IGF2BP2: variants seen among roughly 807,000 people sequenced by gnomAD.
The protein encoded by IGF2BP2 is insulin like growth factor 2 mRNA binding protein 2.
Under a neutral mutation model 75.8 loss-of-function variants are expected in IGF2BP2, and 17 were observed. That is an observed-to-expected ratio of 0.22 (90% CI 0.15 to 0.34). The LOEUF (loss-of-function observed/expected upper bound fraction) is 0.34. Among genes scored for constraint, IGF2BP2 ranks in the 10% least tolerant of loss-of-function variants. IGF2BP2 has a pLI of 1.00. For missense variants in IGF2BP2, 516 were observed against 772.4 expected (o/e 0.67, Z 3.93); for synonymous variants, 288 against 295.6 (o/e 0.97, Z 0.26).
intron 2 of IGF2BP2, among the ~76,000 whole-genome samples, chr3:185,704,258 G>A (rs946288163): frequency 5.3e-5 from 8 of 152,152 alleles, no homozygotes; most frequent in Non-Finnish European, 8.8e-5. Flanking sequence ...CCCCTTTAGC[G>A]CTGCAGTCAG....
At chr3:185,788,304 G>C (rs992138479) in intron 2 of IGF2BP2, among the ~76,000 whole-genome samples, 2 of 152,108 alleles carry the variant, frequency 1.3e-5, no homozygotes, top group African/African-American at 4.8e-5. Flanking sequence ...CTGATCGCTT[G>C]AGCCTAGGAG....
At chr3:185,795,181 G>A (rs1737196974) in intron 2 of IGF2BP2, among the ~76,000 whole-genome samples, 1 of 152,148 alleles carries the variant, frequency 6.6e-6, no homozygotes, top group African/African-American at 2.4e-5. Context: ...ACAGGCATGA[G>A]CCACCACGCC....
intron 2 of IGF2BP2, among the ~76,000 whole-genome samples, chr3:185,731,246 C>CTTTTTTTTT (rs760172663): frequency 2.3e-5 from 3 of 129,244 alleles, no homozygotes; most frequent in African/African-American, 5.7e-5. Flanking sequence ...GCATCACTTT[C>CTTTTTTTTT]TTTTTTTTTT....
At chr3:185,674,046 T>C (rs573941720) in intron 9 of IGF2BP2, among the ~76,000 whole-genome samples, 3 of 152,350 alleles carry the variant, frequency 2.0e-5, no homozygotes, top group Non-Finnish European at 4.4e-5. Context: ...CACCTCATAA[T>C]TGTCATGTGA....
At position 185,644,339 on chromosome 3, in the gene IGF2BP2, T is replaced by A. The variant is rs1403242011; in HGVS notation, c.*1192A>T. ...CATTTTTTTTTTTTAAAGAAAGGAA[T>A]CATTTTGCTGAATATTGATGGCTTA... On this transcript the variant is annotated 3_prime_UTR_variant, in exon 16 of 16. Coordinates refer to ENST00000382199, the MANE Select transcript of IGF2BP2 (RefSeq NM_006548.6). 3 of 152,330 alleles carry A rather than the reference T, an allele frequency of 2.0e-5. No homozygotes were observed. The highest frequency in any genetic ancestry group is 4.8e-5 in the African/African-American group (2 of 41,322). 9.4% of individuals were successfully genotyped at this position (152,330 alleles called of 1,614,324 possible). A position where few individuals can be genotyped will look rare whatever the true frequency, so the allele number is the denominator to read the frequency against.
chr3:185,699,017 G>A (rs548950326), intron 2 of IGF2BP2, among the ~76,000 whole-genome samples: 1 of 152,178 alleles, frequency 6.6e-6, no homozygotes, highest in East Asian at 1.9e-4. Flanking sequence ...AGTTCAACAT[G>A]TTGGCCAGGC....
intron 10 of IGF2BP2, among the ~76,000 whole-genome samples, chr3:185,668,082 T>C (rs139900789): frequency 4.6e-5 from 7 of 152,332 alleles, no homozygotes; most frequent in South Asian, 2.1e-4. Flanking sequence ...GTCTGGAATA[T>C]AATCCACAAT....
At chr3:185,810,127 T>G (rs558692067) in intron 2 of IGF2BP2, among the ~76,000 whole-genome samples, 33 of 152,366 alleles carry the variant, frequency 2.2e-4, no homozygotes, top group Admixed American at 5.2e-4. Context: ...CTGACCATTA[T>G]AAAGTGATTA....
intron 2 of IGF2BP2, among the ~76,000 whole-genome samples, chr3:185,818,309 C>G (rs1341031342): frequency 6.6e-6 from 1 of 152,180 alleles, no homozygotes; most frequent in Admixed American, 6.5e-5. Flanking sequence ...AGGGAAGATG[C>G]TGCACTGATG....
chr3:185,643,174 T>C lies in IGF2BP2; in HGVS notation c.*2357A>G, dbSNP rs1299539410. Among the ~76,000 whole-genome samples, 1 of 152,216 alleles carries C rather than the reference T, an allele frequency of 6.6e-6. No individual in the cohort carries two copies. The highest frequency in any genetic ancestry group is 1.5e-5 in the Non-Finnish European group (1 of 68,042). On this transcript the variant is annotated 3_prime_UTR_variant, in exon 16 of 16. Transcript: ENST00000382199. ...TATTGCAAAGTTCGCTTTACTGTGG[T>C]GGTCTGGAACTGAACCTGCGACGTT...
In IGF2BP2 at chr3:185,689,508, G is replaced by C. The variant is rs746481954; in HGVS notation, c.524C>G (p.Ser175Cys). 1.9e-6 allele frequency: 3 copies of C among 1,614,000 alleles called. No individual in the cohort carries two copies. In the African/African-American group the frequency reaches 4.0e-5, roughly 22 times the overall value. ...AGGGGCGTGGCCTTGCTCCCGGGAA[G>C]AGTGGTCCCCACGCTGGGCTCGCTG... ...PPQRAQRGDH[S>C]SREQGHAPGG... The change falls in exon 6 of 16, where the codon TCT (serine) becomes TGT (cysteine). Residue 175 changes from serine to cysteine, a missense_variant. Physicochemically the swap from Ser to Cys is moderately radical, Grantham distance 112. Coordinates refer to ENST00000382199, the MANE Select transcript of IGF2BP2 (RefSeq NM_006548.6).
rs1214966614 is a variant in IGF2BP2 at position 185,657,279 on chromosome 3, G to C, written c.1386+7C>G. 1 of 1,605,502 alleles carries C rather than the reference G, an allele frequency of 6.2e-7. No individual in the cohort carries two copies. The highest frequency in any genetic ancestry group is 8.5e-7 in the Non-Finnish European group (1 of 1,173,212). On this transcript the variant is annotated splice_region_variant and intron_variant, in intron 12 of 15. Coordinates refer to ENST00000382199, the MANE Select transcript of IGF2BP2 (RefSeq NM_006548.6). ...AAGGGCCACAGGGCCGTCAGGAGCA[G>C]CCTCACCTTGATAGAGGCTCCGGCG... is the stretch of plus-strand genomic sequence containing the variant.
At chr3:185,693,277 T>C (rs1483577278) in intron 4 of IGF2BP2, 2 of 152,386 alleles carry the variant, frequency 1.3e-5, no homozygotes, top group African/African-American at 4.8e-5. Flanking sequence ...TGATGCTTTT[T>C]AATGCATATT....
intron 2 of IGF2BP2, among the ~76,000 whole-genome samples, chr3:185,734,667 T>C (rs1455460054): frequency 3.3e-5 from 5 of 152,102 alleles, no homozygotes; most frequent in Non-Finnish European, 5.9e-5. Context: ...AGCAGTAACG[T>C]GGAAAAAAAT....
At chr3:185,673,399 CAT>C (rs1718827272) in intron 9 of IGF2BP2, among the ~76,000 whole-genome samples, 1 of 152,246 alleles carries the variant, frequency 6.6e-6, no homozygotes, top group Non-Finnish European at 1.5e-5. Context: ...AGATTCTTCA[CAT>C]GATGTAAATT....
intron 2 of IGF2BP2, among the ~76,000 whole-genome samples, chr3:185,720,163 C>A (rs1017743925): frequency 6.6e-6 from 1 of 152,110 alleles, no homozygotes; most frequent in African/African-American, 2.4e-5. Context: ...AGTCTCTGGC[C>A]GTGGTCTATA....
intron 10 of IGF2BP2, among the ~76,000 whole-genome samples, chr3:185,671,176 A>G (rs1718444160): frequency 6.6e-6 from 1 of 152,190 alleles, no homozygotes; most frequent in Non-Finnish European, 1.5e-5. Flanking sequence ...TACTCAACAC[A>G]CAAGGCTCAG....
chr3:185,671,352 C>G (rs1718471168), intron 10 of IGF2BP2, among the ~76,000 whole-genome samples: 1 of 152,026 alleles, frequency 6.6e-6, no homozygotes, highest in African/African-American at 2.4e-5. Context: ...TGGAGACCAT[C>G]CTGGCCAACA....
At chr3:185,818,216 G>A (rs369048082) in intron 2 of IGF2BP2, among the ~76,000 whole-genome samples, 1 of 152,146 alleles carries the variant, frequency 6.6e-6, no homozygotes, top group East Asian at 1.9e-4. Flanking sequence ...TGAATTTTCT[G>A]ACACTTAAAA....
Sources: allele counts gnomAD v4.1 joint callset (sites outside exome capture counted in the v4.1 genomes callset), GRCh38; gene constraint gnomAD v4.1.1; transcripts MANE v1.5; gene names NCBI Gene and HGNC (gene_info 2026-07-23, HGNC 2026-07-21).